Variants in CBL observed in about 807,000 individuals in gnomAD.
CBL encodes the protein Cbl proto-oncogene, also known as E3 ubiquitin-protein ligase CBL.
CBL carries 45 observed loss-of-function variants against 96.9 expected under a neutral mutation model. That is an observed-to-expected ratio of 0.46 (90% CI 0.37 to 0.60). The LOEUF is 0.60. CBL is among the 20% of genes least tolerant of loss of function. The pLI, the probability that CBL is intolerant of heterozygous loss-of-function variation, is 0.00. For synonymous variants in CBL, 420 were observed against 426.8 expected, an observed-to-expected ratio of 0.98 and a Z score of 0.20; for missense variants, 1,024 against 1,143.5, an observed-to-expected ratio of 0.90 and a Z score of 1.51.
intron 14 of CBL, 91 bp downstream of exon 14, chr11:119,297,572 T>A: frequency 2.1e-6 from 2 of 942,564 alleles, no homozygotes; most frequent in Non-Finnish European, 3.4e-6. Context: ...TGATCTAAGC[T>A]CAAAATTCTT....
At chr11:119,252,120 A>G (rs577876942) in intron 2 of CBL, among the ~76,000 whole-genome samples, 3 of 152,140 alleles carry the variant, frequency 2.0e-5, no homozygotes, top group African/African-American at 7.2e-5. Flanking sequence ...CCTGTGTGTT[A>G]AATTTGTTAC....
At chr11:119,283,825 G>A (rs1262523716) in intron 9 of CBL, among the ~76,000 whole-genome samples, 1 of 151,206 alleles carries the variant, frequency 6.6e-6, no homozygotes, top group South Asian at 2.1e-4. Context: ...TTTTAGTAGA[G>A]ACGGGGTTTC....
At chr11:119,211,790 C>G (rs1949321103) in intron 1 of CBL, among the ~76,000 whole-genome samples, 1 of 151,806 alleles carries the variant, frequency 6.6e-6, no homozygotes, top group Non-Finnish European at 1.5e-5. Flanking sequence ...AAGCATGAGC[C>G]ACTGTGCCCG....
At position 119,245,956 on chromosome 11, in the gene CBL, CTTTTTTTTTTTTT is replaced by C. The variant is rs71048054; in HGVS notation, c.443+13283_443+13295del. The stretch of plus-strand genomic sequence containing the variant: ...TAAGACAGACGCATTCTTTGCAAAT[CTTTTTTTTTTTTT>C]TTTTTTTTTTTTTTTTTTTTTGAGG... On this transcript the variant is annotated intron_variant, in intron 2 of 15. Coordinates refer to ENST00000264033, the MANE Select transcript of CBL (RefSeq NM_005188.4). 6.2e-3 allele frequency among the ~76,000 whole-genome samples: 337 copies of C among 54,298 alleles called. 1 individual carries two copies. Among genetic ancestry groups the C allele is most frequent in the Middle Eastern group, 0.037 (2 of 54 alleles). 35.6% of individuals were successfully genotyped at this position (54,298 alleles called of 152,430 possible). A position where few individuals can be genotyped will look rare whatever the true frequency, so the allele number is the denominator to read the frequency against.
chr11:119,288,442 G>T (rs909105449), intron 12 of CBL, among the ~76,000 whole-genome samples: 2 of 151,644 alleles, frequency 1.3e-5, no homozygotes, highest in Non-Finnish European at 2.9e-5. Flanking sequence ...ATCTCACTAT[G>T]TCCTTACATG....
At chr11:119,288,582 A>G (rs1318462488) in intron 12 of CBL, among the ~76,000 whole-genome samples, 1 of 152,110 alleles carries the variant, frequency 6.6e-6, no homozygotes, top group African/African-American at 2.4e-5. Flanking sequence ...AACCTTAATT[A>G]CATCCTTAGA....
chr11:119,244,418 T>C (rs78948823), intron 2 of CBL, among the ~76,000 whole-genome samples: 1 of 106,162 alleles, frequency 9.4e-6, no homozygotes. Flanking sequence ...TTATTTTTAA[T>C]TAATTTTTTT....
chr11:119,211,474 T>C (rs1277908549), intron 1 of CBL, among the ~76,000 whole-genome samples: 1 of 152,080 alleles, frequency 6.6e-6, no homozygotes, highest in Non-Finnish European at 1.5e-5. Context: ...ACACACTAAG[T>C]CTCATGTTCT....
intron 1 of CBL, among the ~76,000 whole-genome samples, chr11:119,216,553 G>A (rs982134906): frequency 6.6e-6 from 1 of 151,758 alleles, no homozygotes; most frequent in Non-Finnish European, 1.5e-5. Context: ...TGTATTTTTA[G>A]TAGAGATGGG....
chr11:119,281,242 T>G (rs995386482), intron 9 of CBL, among the ~76,000 whole-genome samples: 11 of 152,178 alleles, frequency 7.2e-5, no homozygotes, highest in African/African-American at 2.7e-4. Context: ...AGTACCTTGG[T>G]TCCCATGTTT....
At chr11:119,296,395 A>G (rs1474768136) in intron 12 of CBL, among the ~76,000 whole-genome samples, 1 of 152,158 alleles carries the variant, frequency 6.6e-6, no homozygotes, top group Non-Finnish European at 1.5e-5. Flanking sequence ...CAGATCCTTG[A>G]TGTGGGAGTC....
chr11:119,255,340 A>T (rs1024452978), intron 2 of CBL, among the ~76,000 whole-genome samples: 2 of 152,114 alleles, frequency 1.3e-5, no homozygotes, highest in African/African-American at 4.8e-5. Context: ...CAGTTGGCCA[A>T]ATTTGGTAAT....
intron 1 of CBL, among the ~76,000 whole-genome samples, chr11:119,225,464 T>C (rs1949451006): frequency 6.6e-6 from 1 of 152,162 alleles, no homozygotes. Context: ...GGTGATGCAG[T>C]CTTGGTTCAC....
intron 1 of CBL, among the ~76,000 whole-genome samples, chr11:119,222,310 A>C (rs1949418203): frequency 6.6e-6 from 1 of 152,204 alleles, no homozygotes; most frequent in African/African-American, 2.4e-5. Context: ...TTTGCTCTTT[A>C]AAAGTTTAGC....
chr11:119,260,028 T>A (rs1949742578), intron 2 of CBL, among the ~76,000 whole-genome samples: 1 of 152,218 alleles, frequency 6.6e-6, no homozygotes, highest in Non-Finnish European at 1.5e-5. Flanking sequence ...ACACAGATTA[T>A]TCACAAATCT....
At chr11:119,273,380 G>A (rs2135298326) in intron 3 of CBL, among the ~76,000 whole-genome samples, 1 of 152,230 alleles carries the variant, frequency 6.6e-6, no homozygotes, top group South Asian at 2.1e-4. Context: ...CTACTACCCT[G>A]GATGACATTA....
rs1950121754 is a variant in CBL at position 119,304,515 on chromosome 11, T to C, written c.*4734T>C. ...CTTTGCACCTAGTCCTTTCTCCCGC[T>C]TCACAGTCTGCTTATGGTATATGTG... On this transcript the variant is annotated 3_prime_UTR_variant, in exon 16 of 16. Coordinates refer to ENST00000264033, the MANE Select transcript of CBL (RefSeq NM_005188.4). 1 of 233,102 alleles carries C rather than the reference T, an allele frequency of 4.3e-6. No individual in the cohort carries two copies. Among genetic ancestry groups the C allele is most frequent in the Non-Finnish European group, 8.5e-6 (1 of 118,022 alleles). 14.4% of individuals were successfully genotyped at this position (233,102 alleles called of 1,614,324 possible).
At chr11:119,272,222 T>G (rs1949854643) in intron 3 of CBL, among the ~76,000 whole-genome samples, 1 of 152,100 alleles carries the variant, frequency 6.6e-6, no homozygotes, top group Non-Finnish European at 1.5e-5. Context: ...CCTGGGTTCA[T>G]GCCATTCTCC....
At chr11:119,218,304 ATC>A (rs1334086134) in intron 1 of CBL, among the ~76,000 whole-genome samples, 2 of 152,056 alleles carry the variant, frequency 1.3e-5, no homozygotes, top group African/African-American at 2.4e-5. Context: ...CAAACCATTA[ATC>A]TCTGAGGAGA....
Sources: gnomAD v4.1 joint callset for allele counts (sites outside exome capture counted in the v4.1 genomes callset) on GRCh38, gnomAD v4.1.1 for gene constraint, MANE v1.5 for transcripts, NCBI Gene and HGNC (gene_info 2026-07-23, HGNC 2026-07-21) for gene names.